SKAP1: variants seen among roughly 807,000 people sequenced by gnomAD.
SKAP1 encodes src kinase associated phosphoprotein 1.
SKAP1 carries 44 observed loss-of-function variants against 58.5 expected under a neutral mutation model. The observed-to-expected ratio is 0.75, with a 90% CI of 0.59 to 0.97. The LOEUF (loss-of-function observed/expected upper bound fraction) is 0.97. Ranked by LOEUF, SKAP1 falls within the 50% of genes least tolerant of loss-of-function variation. The pLI is 0.00. For synonymous variants in SKAP1, 127 were observed against 149.7 expected (o/e 0.85, Z 1.11); for missense variants, 390 against 435.2 (o/e 0.90, Z 0.92).
chr17:48,270,973 A>C (rs2065624237), intron 4 of SKAP1, among the ~76,000 whole-genome samples: 1 of 151,892 alleles, frequency 6.6e-6, no homozygotes, highest in African/African-American at 2.4e-5. Context: ...GGAGGGGGGC[A>C]TGAACATATG....
chr17:48,336,421 C>T (rs1412574563), intron 4 of SKAP1, among the ~76,000 whole-genome samples: 2 of 151,874 alleles, frequency 1.3e-5, no homozygotes, highest in African/African-American at 2.4e-5. Context: ...ATGACAGGGG[C>T]AGAGTGAGGT....
At chr17:48,259,666 A>G (rs2143923354) in intron 4 of SKAP1, among the ~76,000 whole-genome samples, 1 of 152,162 alleles carries the variant, frequency 6.6e-6, no homozygotes, top group East Asian at 1.9e-4. Flanking sequence ...TTATCATAGA[A>G]GAAGACATAC....
At chr17:48,372,274 G>T (rs910682165) in intron 2 of SKAP1, among the ~76,000 whole-genome samples, 5 of 148,218 alleles carry the variant, frequency 3.4e-5, no homozygotes, top group African/African-American at 1.2e-4. Flanking sequence ...GTCTGGCCCT[G>T]TGCTAGGTAT....
intron 4 of SKAP1, among the ~76,000 whole-genome samples, chr17:48,342,654 A>G (rs2066668803): frequency 6.6e-6 from 1 of 152,208 alleles, no homozygotes; most frequent in African/African-American, 2.4e-5. Context: ...AAGACAAAAT[A>G]TCTGAAATAT....
chr17:48,164,071 G>C (rs2064105542), intron 10 of SKAP1, among the ~76,000 whole-genome samples: 1 of 152,176 alleles, frequency 6.6e-6, no homozygotes, highest in South Asian at 2.1e-4. Flanking sequence ...AATATGTTTG[G>C]AAGAAAAATA....
chr17:48,390,305 A>G (rs915176224), intron 2 of SKAP1, among the ~76,000 whole-genome samples: 1 of 152,248 alleles, frequency 6.6e-6, no homozygotes, highest in South Asian at 2.1e-4. Flanking sequence ...CAGAGAAAAT[A>G]GCATAGCTCT....
chr17:48,282,813 C>CT (rs543713084), intron 4 of SKAP1, among the ~76,000 whole-genome samples: 7 of 150,842 alleles, frequency 4.6e-5, no homozygotes, highest in South Asian at 2.1e-4. Context: ...AGAAACTGCC[C>CT]TTTTTTTTTG....
intron 11 of SKAP1, among the ~76,000 whole-genome samples, chr17:48,145,106 T>C (rs2063812344): frequency 6.6e-6 from 1 of 152,212 alleles, no homozygotes; most frequent in South Asian, 2.1e-4. Context: ...AAAGTCTTTT[T>C]AGAAACTTTC....
chr17:48,227,288 A>G (rs1846996708), intron 4 of SKAP1, among the ~76,000 whole-genome samples: 1 of 152,206 alleles, frequency 6.6e-6, no homozygotes, highest in Non-Finnish European at 1.5e-5. Context: ...TAGTCCTAGC[A>G]CTGACACAAA....
chr17:48,246,076 A>G (rs943055467), intron 4 of SKAP1, among the ~76,000 whole-genome samples: 3 of 152,136 alleles, frequency 2.0e-5, no homozygotes, highest in African/African-American at 7.2e-5. Context: ...AAAATACATA[A>G]ATCACTTAGA....
At chr17:48,198,589 A>T (rs1470990900) in intron 4 of SKAP1, among the ~76,000 whole-genome samples, 4 of 152,120 alleles carry the variant, frequency 2.6e-5, no homozygotes, top group Non-Finnish European at 4.4e-5. Context: ...TGTATGCTAC[A>T]GCCTATAGTG....
chr17:48,276,049 A>C (rs1253975552), intron 4 of SKAP1, among the ~76,000 whole-genome samples: 1 of 152,176 alleles, frequency 6.6e-6, no homozygotes, highest in African/African-American at 2.4e-5. Flanking sequence ...CAAAATACTA[A>C]GGTTGATCAG....
intron 4 of SKAP1, among the ~76,000 whole-genome samples, chr17:48,195,247 A>G (rs11650182): frequency 0.051 from 7,782 of 152,080 alleles, 282 homozygotes; most frequent in Middle Eastern, 0.075. Flanking sequence ...CTTCTTCTCA[A>G]TTTTCAGGAA....
At chr17:48,409,722 A>G (rs982993562) in intron 1 of SKAP1, among the ~76,000 whole-genome samples, 1 of 151,862 alleles carries the variant, frequency 6.6e-6, no homozygotes, top group African/African-American at 2.4e-5. Context: ...GATAGAGTTC[A>G]GGAGTGGGCG....
chr17:48,290,515 A>G (rs961336775), intron 4 of SKAP1, among the ~76,000 whole-genome samples: 2 of 152,188 alleles, frequency 1.3e-5, no homozygotes, highest in Non-Finnish European at 2.9e-5. Flanking sequence ...TTCTTCCCGG[A>G]TAATCTGTTT....
rs35057571 is a variant in SKAP1, at chr17:48,348,499, A to AC, written c.179-2494_179-2493insG. On this transcript the variant is annotated intron_variant, in intron 3 of 12. Transcript: ENST00000336915. ...AGATTTATGTAAGTGTTGCAAAGAT[A>AC]GTACAGAGTTCCTACATACCCTTCA... Among the ~76,000 whole-genome samples the AC allele has an allele frequency of 6.8e-3, 1,031 of 152,208 alleles. 5 individuals are homozygous for AC. Among genetic ancestry groups the AC allele is most frequent in the Non-Finnish European group, 0.011 (728 of 68,004 alleles).
At chr17:48,363,277 G>C (rs771865275) in intron 3 of SKAP1, among the ~76,000 whole-genome samples, 2 of 152,136 alleles carry the variant, frequency 1.3e-5, no homozygotes, top group Non-Finnish European at 2.9e-5. Flanking sequence ...CTGCAGCAAG[G>C]CTCATATTAA....
intron 10 of SKAP1, among the ~76,000 whole-genome samples, chr17:48,165,323 C>T (rs760603608): frequency 4.7e-4 from 71 of 152,050 alleles, no homozygotes; most frequent in Admixed American, 1.4e-3. Context: ...CTCCCTAAAC[C>T]TGCCCAACTC....
chr17:48,396,638 T>C, intron 2 of SKAP1, 42 bp downstream of exon 2: 3 of 1,275,632 alleles, frequency 2.4e-6, no homozygotes, highest in Non-Finnish European at 3.4e-6. Flanking sequence ...TAAATTGTTT[T>C]AAAGCTTATG....
Sources: allele counts gnomAD v4.1 joint callset (sites outside exome capture counted in the v4.1 genomes callset), GRCh38; gene constraint gnomAD v4.1.1; transcripts MANE v1.5; gene names NCBI Gene and HGNC (gene_info 2026-07-23, HGNC 2026-07-21).